DPP10: variants seen among roughly 807,000 people sequenced by gnomAD.
The protein encoded by DPP10 is dipeptidyl peptidase like 10.
DPP10 carries 33 observed loss-of-function variants against 120.9 expected under a neutral mutation model. That is an observed-to-expected ratio of 0.27 (90% CI 0.21 to 0.37). The LOEUF is 0.37. Among genes scored for constraint, DPP10 ranks in the 10% least tolerant of loss-of-function variants. DPP10 has a pLI of 1.00. For synonymous variants in DPP10, 337 were observed against 326.1 expected, an observed-to-expected ratio of 1.03 and a Z score of -0.36; for missense variants, 816 against 942.8, an observed-to-expected ratio of 0.87 and a Z score of 1.76.
At chr2:114,680,322 A>G (rs1698946970) in intron 1 of DPP10, among the ~76,000 whole-genome samples, 1 of 151,868 alleles carries the variant, frequency 6.6e-6, no homozygotes, top group South Asian at 2.1e-4. Context: ...CCATTTTCTC[A>G]CTTTCTGAAT....
chr2:115,602,791 T>G (rs4375875), intron 5 of DPP10, among the ~76,000 whole-genome samples: 150,461 of 152,256 alleles, frequency 0.99, 74,370 homozygotes, highest in Non-Finnish European at 1. Flanking sequence ...CATCATATTT[T>G]CTGGGGATTC....
chr2:114,818,808 T>C (rs1189687632), intron 1 of DPP10, among the ~76,000 whole-genome samples: 1 of 152,188 alleles, frequency 6.6e-6, no homozygotes, highest in South Asian at 2.1e-4. Context: ...CCATGAACCT[T>C]TTCTACCACA....
At chr2:115,641,854 C>T (rs550970113) in intron 5 of DPP10, among the ~76,000 whole-genome samples, 26 of 152,086 alleles carry the variant, frequency 1.7e-4, no homozygotes, top group African/African-American at 2.4e-4. Context: ...ATTTCATATA[C>T]GATAGTGTTA....
intron 1 of DPP10, among the ~76,000 whole-genome samples, chr2:114,722,397 T>C (rs1701752846): frequency 6.6e-6 from 1 of 152,286 alleles, no homozygotes; most frequent in South Asian, 2.1e-4. Flanking sequence ...TCATTCTTTT[T>C]TTAAAGAGGA....
At chr2:115,270,109 CACACAGACACACACACAA>C (rs1465258877) in intron 1 of DPP10, among the ~76,000 whole-genome samples, 1,950 of 140,444 alleles carry the variant, frequency 0.014, 43 homozygotes, top group African/African-American at 0.048. Context: ...CACACACACA[CACACAGACACACACACAA>C]ACACTTATTT....
intron 3 of DPP10, among the ~76,000 whole-genome samples, chr2:115,449,374 A>G (rs2072912427): frequency 6.6e-6 from 1 of 152,090 alleles, no homozygotes; most frequent in Non-Finnish European, 1.5e-5. Flanking sequence ...AAGGGGATAA[A>G]CAAAAATGAG....
At chr2:115,533,992 A>G (rs1012734937) in intron 5 of DPP10, among the ~76,000 whole-genome samples, 2 of 152,126 alleles carry the variant, frequency 1.3e-5, no homozygotes, top group African/African-American at 4.8e-5. Context: ...GAAAGAAGTA[A>G]ACACAAGAAA....
intron 1 of DPP10, among the ~76,000 whole-genome samples, chr2:115,247,509 G>T (rs1474244576): frequency 1.3e-5 from 2 of 152,078 alleles, no homozygotes; most frequent in African/African-American, 2.4e-5. Context: ...GAGGATGACT[G>T]CCCCATGAAA....
At chr2:115,575,442 G>T (rs2149105987) in intron 5 of DPP10, among the ~76,000 whole-genome samples, 1 of 152,232 alleles carries the variant, frequency 6.6e-6, no homozygotes. Context: ...GAGCAGCCTA[G>T]GGGGGCCCCT....
chr2:115,601,762 C>T (rs1215323275), intron 5 of DPP10, among the ~76,000 whole-genome samples: 1 of 152,090 alleles, frequency 6.6e-6, no homozygotes, highest in African/African-American at 2.4e-5. Flanking sequence ...CAATCTCCGC[C>T]TCCCGGGTTC....
At chr2:115,098,614 C>T (rs970248781) in intron 1 of DPP10, among the ~76,000 whole-genome samples, 5 of 151,996 alleles carry the variant, frequency 3.3e-5, no homozygotes, top group Admixed American at 6.6e-5. Context: ...TATAATCTTA[C>T]GGCACCACCA....
chr2:115,105,247 T>C (rs2048890181), intron 1 of DPP10, among the ~76,000 whole-genome samples: 1 of 152,172 alleles, frequency 6.6e-6, no homozygotes, highest in African/African-American at 2.4e-5. Flanking sequence ...TTAGTCTGTT[T>C]TGCATTGCTA....
At chr2:114,969,284 T>G (rs571339215) in intron 1 of DPP10, among the ~76,000 whole-genome samples, 11 of 152,324 alleles carry the variant, frequency 7.2e-5, no homozygotes, top group African/African-American at 2.4e-4. Flanking sequence ...CTCTAAAGTA[T>G]TAAAGGCATA....
At chr2:114,819,913 TG>T (rs1685951599) in intron 1 of DPP10, among the ~76,000 whole-genome samples, 1 of 152,218 alleles carries the variant, frequency 6.6e-6, no homozygotes, top group Non-Finnish European at 1.5e-5. Flanking sequence ...ACGGCCATTT[TG>T]GGTCTTTATT....
chr2:114,835,537 C>T (rs1687663627), intron 1 of DPP10: 1 of 152,030 alleles, frequency 6.6e-6, no homozygotes, highest in Non-Finnish European at 1.5e-5. Flanking sequence ...TTTTATTATT[C>T]CTTTGCTTAG....
At chr2:115,546,787 G>A (rs1008860023) in intron 5 of DPP10, among the ~76,000 whole-genome samples, 1 of 152,198 alleles carries the variant, frequency 6.6e-6, no homozygotes, top group Admixed American at 6.5e-5. Flanking sequence ...TGGATGATAT[G>A]GTGGACAGCA....
chr2:114,694,380 G>A (rs1165791732), intron 1 of DPP10, among the ~76,000 whole-genome samples: 7 of 151,854 alleles, frequency 4.6e-5, no homozygotes, highest in African/African-American at 1.7e-4. Context: ...GATGAAGCAA[G>A]TATTCTTATT....
intron 5 of DPP10, among the ~76,000 whole-genome samples, chr2:115,637,878 C>G (rs1453339907): frequency 2.0e-5 from 3 of 152,162 alleles, no homozygotes; most frequent in Non-Finnish European, 2.9e-5. Flanking sequence ...TAGTACCACC[C>G]TTGTACCTGT....
At chr2:114,732,485 A>G (rs1204623832) in intron 1 of DPP10, among the ~76,000 whole-genome samples, 5 of 152,210 alleles carry the variant, frequency 3.3e-5, no homozygotes, top group Non-Finnish European at 7.3e-5. Flanking sequence ...GGGAGAGAGT[A>G]AAATGGGGAA....
Sources: gnomAD v4.1 joint callset for allele counts (sites outside exome capture counted in the v4.1 genomes callset) on GRCh38, gnomAD v4.1.1 for gene constraint, MANE v1.5 for transcripts, NCBI Gene and HGNC (gene_info 2026-07-23, HGNC 2026-07-21) for gene names.